The following IGF2BP3 variants were observed in gnomAD, a reference collection of about 807,000 sequenced individuals.
The protein encoded by IGF2BP3 is insulin like growth factor 2 mRNA binding protein 3, also known as insulin-like growth factor 2 mRNA-binding protein 3.
Under a neutral mutation model 73.8 loss-of-function variants are expected in IGF2BP3, and 9 were observed. That is an observed-to-expected ratio of 0.12 (90% confidence interval 0.07 to 0.21). The LOEUF (loss-of-function observed/expected upper bound fraction) is 0.21, where lower values mean the gene tolerates loss of function less well. Ranked by LOEUF, IGF2BP3 falls within the 10% of genes least tolerant of loss-of-function variation. IGF2BP3 has a pLI of 1.00. For synonymous variants in IGF2BP3, 258 were observed against 256.7 expected (o/e 1.01, Z -0.05); for missense variants, 542 against 714.0 (o/e 0.76, Z 2.75).
chr7:23,355,926 T>G (rs1482986385), intron 5 of IGF2BP3, among the ~76,000 whole-genome samples: 1 of 125,176 alleles, frequency 8.0e-6, no homozygotes, highest in Non-Finnish European at 1.6e-5. Flanking sequence ...AAATGAGACT[T>G]TGTCTCCAAA....
intron 3 of IGF2BP3, among the ~76,000 whole-genome samples, chr7:23,416,605 A>C (rs1315372423): frequency 1.3e-5 from 2 of 152,284 alleles, no homozygotes; most frequent in Non-Finnish European, 2.9e-5. Context: ...TAGAAGGTAC[A>C]TAAGGTCCGG....
At position 23,469,690 on chromosome 7, in the gene IGF2BP3, G is replaced by A. The variant is rs1433005552; in HGVS notation, c.175+246C>T. Among the ~76,000 whole-genome samples the A allele has an allele frequency of 1.3e-5, 2 of 151,816 alleles. No homozygotes were observed. The highest frequency in any genetic ancestry group is 2.1e-4 in the South Asian group (1 of 4,824). On this transcript the variant is annotated intron_variant, in intron 1 of 14. Transcript: ENST00000258729. The surrounding 1 kb of genome is among the most constrained non-coding windows in gnomAD (Gnocchi z 6.1). ...CCCCGCGCCCCCCTTAGCCAGCGCC[G>A]GGGCTTTCTTGACAGCGCGTTCGCC...
rs557671317 is a variant in IGF2BP3, at chr7:23,391,755, T to C, written c.285+27021A>G. On this transcript the variant is annotated intron_variant, in intron 3 of 14. Transcript: ENST00000258729. The stretch of plus-strand genomic sequence containing the variant: ...GATAAAAAGCACTGATCATTGTCTG[T>C]AGACAGGCCCAGTACACACCCTAGT... Among the ~76,000 whole-genome samples the C allele has an allele frequency of 7.2e-5, 11 of 152,348 alleles. No homozygotes were observed. In the South Asian group the frequency reaches 8.3e-4, roughly 11 times the overall value.
rs1418624132 is a variant in IGF2BP3, at chr7:23,310,236, C to G, written c.*2126G>C. The G allele has an allele frequency of 6.6e-6, 1 of 152,120 alleles. No individual in the cohort carries two copies. The highest frequency in any genetic ancestry group is 2.4e-5 in the African/African-American group (1 of 41,426). 9.4% of individuals were successfully genotyped at this position (152,120 alleles called of 1,614,324 possible). A position where few individuals can be genotyped will look rare whatever the true frequency, so the allele number is the denominator to read the frequency against. On this transcript the variant is annotated 3_prime_UTR_variant, in exon 15 of 15. Coordinates refer to ENST00000258729, the MANE Select transcript of IGF2BP3 (RefSeq NM_006547.3). ...CACCTAAATGATGAAAAAATTTATT[C>G]TGCGTCAAGGTATCTGGAAAATGAA...
intron 5 of IGF2BP3, among the ~76,000 whole-genome samples, chr7:23,358,111 G>T (rs1292004473): frequency 1.3e-5 from 2 of 152,192 alleles, no homozygotes; most frequent in Non-Finnish European, 2.9e-5. Flanking sequence ...TTTCTCAGTA[G>T]CCTCATTAGC....
rs114030642 is a variant in IGF2BP3, at chr7:23,451,588, C to G, written c.236+16894G>C. Among the ~76,000 whole-genome samples, 586 of 151,802 alleles carry G rather than the reference C, an allele frequency of 3.9e-3. 4 individuals are homozygous for G. The highest frequency in any genetic ancestry group is 0.014 in the African/African-American group (568 of 41,414). ...CACCTTGAGCAACAACAGCTAACCTCCATCTCAAAAACAAAACAAAACAGA... is the reference window on the plus strand; with the variant it reads ...CACCTTGAGCAACAACAGCTAACCTGCATCTCAAAAACAAAACAAAACAGA... On this transcript the variant is annotated intron_variant, in intron 2 of 14. Coordinates refer to ENST00000258729, the MANE Select transcript of IGF2BP3 (RefSeq NM_006547.3).
chr7:23,312,573 T>C (rs763529134), intron 14 of IGF2BP3, 113 bp from the exon 15 acceptor site: 79 of 930,780 alleles, frequency 8.5e-5, no homozygotes, highest in Non-Finnish European at 1.3e-4. Flanking sequence ...TAAAGATACA[T>C]ACTAGTCAGT....
chr7:23,428,321 A>C (rs1787573106), intron 2 of IGF2BP3, among the ~76,000 whole-genome samples: 1 of 151,550 alleles, frequency 6.6e-6, no homozygotes, highest in Non-Finnish European at 1.5e-5. Context: ...AAGTACAAAA[A>C]ATTAGCCGAG....
In IGF2BP3 at chr7:23,431,842, T is replaced by TTC. The variant is rs377418639; in HGVS notation, c.237-13020_237-13019dup. Among the ~76,000 whole-genome samples the TTC allele has an allele frequency of 8.9e-4, 132 of 148,958 alleles. 2 individuals carry two copies. In the East Asian group the frequency reaches 0.022, roughly 25 times the overall value. On this transcript the variant is annotated intron_variant, in intron 2 of 14. Transcript: ENST00000258729. Reference sequence around the variant, plus strand: ...TCCCCCGCCAACCCACACACACACATTCTCTCTCTCTCTTATGGATTGGTG... The same window carrying TTC: ...TCCCCCGCCAACCCACACACACACATTCTCTCTCTCTCTCTTATGGATTGGTG...
intron 2 of IGF2BP3, among the ~76,000 whole-genome samples, chr7:23,442,949 C>CATTTGGA (rs1313045082): frequency 6.6e-6 from 1 of 151,892 alleles, no homozygotes. Flanking sequence ...TTAATCAAAC[C>CATTTGGA]ATTTGGAAGC....
chr7:23,342,013 T>A (rs923550552), intron 10 of IGF2BP3, 51 bp downstream of exon 10: 3 of 1,493,062 alleles, frequency 2.0e-6, no homozygotes, highest in Non-Finnish European at 2.7e-6. Flanking sequence ...GGACTAGGTT[T>A]ACATTAAGAT....
chr7:23,357,243 A>G (rs1785117753), intron 5 of IGF2BP3, among the ~76,000 whole-genome samples: 1 of 152,098 alleles, frequency 6.6e-6, no homozygotes, highest in Admixed American at 6.5e-5. Context: ...GATCTTCACA[A>G]TGATACAAAG....
intron 2 of IGF2BP3, among the ~76,000 whole-genome samples, chr7:23,433,766 T>G (rs1787744822): frequency 6.6e-6 from 1 of 152,124 alleles, no homozygotes; most frequent in African/African-American, 2.4e-5. Context: ...TCAAGGGAAT[T>G]TGAAGAACAA....
At chr7:23,316,023 C>T (rs1431597086) in intron 12 of IGF2BP3, among the ~76,000 whole-genome samples, 4 of 152,334 alleles carry the variant, frequency 2.6e-5, no homozygotes, top group East Asian at 1.9e-4. Context: ...CAAGGAAAGA[C>T]ATGTTTGTAT....
At chr7:23,410,179 T>G (rs970091317) in intron 3 of IGF2BP3, among the ~76,000 whole-genome samples, 6 of 151,606 alleles carry the variant, frequency 4.0e-5, no homozygotes, top group Admixed American at 2.6e-4. Flanking sequence ...AAAATTTTTT[T>G]TAAAAATAAA....
chr7:23,346,205 T>C (rs953449831), intron 7 of IGF2BP3, 143 bp from the exon 8 acceptor site: 7 of 791,846 alleles, frequency 8.8e-6, no homozygotes, highest in South Asian at 2.0e-5. Flanking sequence ...TTGCTGACAA[T>C]TGGCCAGCAT....
At chr7:23,453,076 C>T (rs1182115165) in intron 2 of IGF2BP3, among the ~76,000 whole-genome samples, 3 of 152,156 alleles carry the variant, frequency 2.0e-5, no homozygotes, top group Non-Finnish European at 2.9e-5. Context: ...TGCAGTGAGC[C>T]GAGATCGCGC....
chr7:23,391,266 A>ACT (rs1160342319), intron 3 of IGF2BP3, among the ~76,000 whole-genome samples: 1 of 150,998 alleles, frequency 6.6e-6, no homozygotes, highest in Non-Finnish European at 1.5e-5. Flanking sequence ...CACCCAGCTA[A>ACT]TTTTTATATT....
intron 3 of IGF2BP3, among the ~76,000 whole-genome samples, chr7:23,399,050 A>G (rs1317119557): frequency 6.6e-6 from 1 of 152,194 alleles, no homozygotes; most frequent in Non-Finnish European, 1.5e-5. Context: ...TAGGTCTAAC[A>G]TCTAAGTCTT....
Sources: gnomAD v4.1 joint callset for allele counts (sites outside exome capture counted in the v4.1 genomes callset) on GRCh38, gnomAD v4.1.1 for gene constraint, Gnocchi (gnomAD v3.1) non-coding constraint, MANE v1.5 for transcripts, NCBI Gene and HGNC (gene_info 2026-07-23, HGNC 2026-07-21) for gene names.